Variants in MAP4 observed in about 807,000 individuals in gnomAD.
MAP4 encodes the protein microtubule-associated protein 4.
Under a neutral mutation model 170.2 loss-of-function variants are expected in MAP4, and 76 were observed. The ratio of observed to expected loss-of-function variants is 0.45; its 90% CI spans 0.37 to 0.54. The LOEUF is 0.54. Ranked by LOEUF, MAP4 falls within the 20% of genes least tolerant of loss-of-function variation. MAP4 has a pLI of 0.00. For missense variants in MAP4, 2,506 were observed against 2,748.0 expected, an observed-to-expected ratio of 0.91 and a Z score of 1.97; for synonymous variants, 909 against 994.5, an observed-to-expected ratio of 0.91 and a Z score of 1.62.
intron 1 of MAP4, among the ~76,000 whole-genome samples, chr3:48,054,725 T>C (rs1200395211): frequency 4.7e-5 from 7 of 149,272 alleles, no homozygotes; most frequent in Non-Finnish European, 1.0e-4. Context: ...CGAGAATCAC[T>C]TGAAACCTGA....
chr3:48,077,430 G>C (rs1579856968), intron 1 of MAP4, among the ~76,000 whole-genome samples: 1 of 132,824 alleles, frequency 7.5e-6, no homozygotes, highest in East Asian at 2.2e-4. Context: ...TGGGCAACAA[G>C]AACGAAACTC....
intron 3 of MAP4, among the ~76,000 whole-genome samples, chr3:47,936,127 AAAG>A (rs2100052680): frequency 6.6e-6 from 1 of 151,182 alleles, no homozygotes; most frequent in Non-Finnish European, 1.5e-5. Context: ...GGAGAGAGAC[AAAG>A]AAGGAGAAGA....
Position 47,912,125 on chromosome 3 carries a change from T to C in MAP4, c.2296A>G (p.Ile766Val), listed in dbSNP as rs1178930341. The change falls in exon 9 of 21, where the codon ATA becomes GTA. Residue 766 changes from isoleucine (I) to valine (V), a missense_variant. Physicochemically the swap from Ile to Val is conservative, Grantham distance 29. Transcript: ENST00000683076. The part of the protein sequence containing the change: ...REAWDIESTP[I>V]MMKKKKKKPK... ...TTCTTCTTCTTTTTCTTCATCATTATTGGTGTGCTTTCTATATCCCAGGCC... is the reference window on the plus strand; with the variant it reads ...TTCTTCTTCTTTTTCTTCATCATTACTGGTGTGCTTTCTATATCCCAGGCC... 1 of 1,536,080 alleles carries C rather than the reference T, an allele frequency of 6.5e-7. No individual in the cohort carries two copies. The highest frequency in any genetic ancestry group is 8.7e-7 in the Non-Finnish European group (1 of 1,146,922).
At chr3:47,915,401 C>A (rs1371143517) in intron 7 of MAP4, among the ~76,000 whole-genome samples, 3 of 152,084 alleles carry the variant, frequency 2.0e-5, no homozygotes, top group Non-Finnish European at 4.4e-5. Context: ...CAGGTGTGAG[C>A]CACCATGCCC....
At chr3:48,078,562 T>C (rs1264115914) in intron 1 of MAP4, among the ~76,000 whole-genome samples, 1 of 151,956 alleles carries the variant, frequency 6.6e-6, no homozygotes, top group East Asian at 1.9e-4. Flanking sequence ...GGGGAAAACA[T>C]CAAAGAGTAG....
intron 10 of MAP4, chr3:47,891,632 A>AG: frequency 6.5e-7 from 1 of 1,536,114 alleles, no homozygotes; most frequent in Non-Finnish European, 8.7e-7. Flanking sequence ...GGCTTGGTTG[A>AG]GCACAGCCTC....
intron 3 of MAP4, among the ~76,000 whole-genome samples, chr3:47,945,701 A>G (rs1198388915): frequency 6.6e-6 from 1 of 151,948 alleles, no homozygotes; most frequent in Non-Finnish European, 1.5e-5. Flanking sequence ...TTTGCTGAAT[A>G]TTAAAATATT....
At chr3:48,012,285 C>A (rs867771327) in intron 1 of MAP4, among the ~76,000 whole-genome samples, 4 of 152,148 alleles carry the variant, frequency 2.6e-5, no homozygotes, top group African/African-American at 4.8e-5. Context: ...GCTTTCCTTT[C>A]GATTAATAGA....
chr3:48,033,790 G>A (rs57913758), intron 1 of MAP4, among the ~76,000 whole-genome samples: 3 of 151,856 alleles, frequency 2.0e-5, no homozygotes, highest in Admixed American at 1.3e-4. Context: ...TAGTAAAGAC[G>A]GATTTTTTCA....
At chr3:48,003,331 G>A (rs1297179809) in intron 1 of MAP4, among the ~76,000 whole-genome samples, 16 of 151,562 alleles carry the variant, frequency 1.1e-4, no homozygotes, top group Non-Finnish European at 1.9e-4. Flanking sequence ...GTGGGCACCT[G>A]TAATCCCAGC....
chr3:47,891,770 G>A (rs2100024123), intron 10 of MAP4: 1 of 1,536,534 alleles, frequency 6.5e-7, no homozygotes, highest in Non-Finnish European at 8.7e-7. Context: ...AATAATGGGG[G>A]CTGGGTGGGC....
chr3:47,925,795 G>A (rs2153746072), intron 4 of MAP4, among the ~76,000 whole-genome samples: 1 of 152,282 alleles, frequency 6.6e-6, no homozygotes, highest in South Asian at 2.1e-4. Context: ...TTCTAAAATT[G>A]AATCTGGTTA....
At chr3:47,943,134 T>C (rs2100057561) in intron 3 of MAP4, among the ~76,000 whole-genome samples, 1 of 151,906 alleles carries the variant, frequency 6.6e-6, no homozygotes, top group Non-Finnish European at 1.5e-5. Context: ...AAAAAAACTT[T>C]CAAAATAAAA....
intron 1 of MAP4, among the ~76,000 whole-genome samples, chr3:48,029,126 C>T (rs769795443): frequency 1.3e-5 from 2 of 151,912 alleles, no homozygotes; most frequent in Non-Finnish European, 2.9e-5. Flanking sequence ...GCCTGGGCAA[C>T]AGAGTGAGAC....
At chr3:47,932,067 T>C (rs1187126702) in intron 3 of MAP4, among the ~76,000 whole-genome samples, 3 of 152,122 alleles carry the variant, frequency 2.0e-5, no homozygotes, top group Admixed American at 2.0e-4. Context: ...AAAAAAGAAA[T>C]CCCATATCTT....
chr3:48,082,673 C>T (rs1343013456), intron 1 of MAP4, among the ~76,000 whole-genome samples: 1 of 151,876 alleles, frequency 6.6e-6, no homozygotes, highest in East Asian at 1.9e-4. Flanking sequence ...TGGCACGTGC[C>T]TGTGGTCCCA....
At position 48,031,963 on chromosome 3, in the gene MAP4, G is replaced by A. The variant is rs578037004; in HGVS notation, c.-19-33084C>T. ...ATAGTATGCACCCTTGATATAATGT[G>A]ATAAGAGTGGCACTTTACCTCTGTG... On this transcript the variant is annotated intron_variant, in intron 1 of 18. Transcript: ENST00000360240. Among the ~76,000 whole-genome samples, 8 of 152,172 alleles carry A rather than the reference G, an allele frequency of 5.3e-5. 1 individual carries two copies. In the South Asian group the frequency reaches 1.7e-3, roughly 32 times the overall value.
At chr3:48,085,556 G>C (rs1048742711) in intron 1 of MAP4, among the ~76,000 whole-genome samples, 1 of 152,344 alleles carries the variant, frequency 6.6e-6, no homozygotes, top group Non-Finnish European at 1.5e-5. Flanking sequence ...AATGTGTTAA[G>C]ACATCCTCCA....
chr3:47,882,768 G>A (rs960112906), intron 10 of MAP4, among the ~76,000 whole-genome samples: 2 of 151,870 alleles, frequency 1.3e-5, no homozygotes, highest in African/African-American at 4.8e-5. Flanking sequence ...TGACCTACTG[G>A]AACCTTACTT....
Sources: gnomAD v4.1 joint callset for allele counts (sites outside exome capture counted in the v4.1 genomes callset) on GRCh38, gnomAD v4.1.1 for gene constraint, MANE v1.5 for transcripts, NCBI Gene and HGNC (gene_info 2026-07-23, HGNC 2026-07-21) for gene names.